Variants in AKAP19 observed in about 807,000 individuals in gnomAD.
The protein encoded by AKAP19 is small A-kinase anchoring protein.
chr2:189,928,519 C>T, the AKAP19 span, among the ~76,000 whole-genome samples: 1 of 152,060 alleles, frequency 6.6e-6, no homozygotes, highest in Non-Finnish European at 1.5e-5. Context: ...TTCAAATTTG[C>T]TTTATGTAAT....
chr2:190,089,476 G>A, the AKAP19 span: 1 of 151,800 alleles, frequency 6.6e-6, no homozygotes, highest in African/African-American at 2.4e-5. Flanking sequence ...ATGTACACCT[G>A]AAAAATGTAT....
At chr2:189,881,351 C>T in the AKAP19 span, among the ~76,000 whole-genome samples, 1 of 152,106 alleles carries the variant, frequency 6.6e-6, no homozygotes, top group Non-Finnish European at 1.5e-5. Context: ...ATCTGATTGG[C>T]GTCTCCAAAG....
chr2:190,021,147 A>G, the AKAP19 span, among the ~76,000 whole-genome samples: 1 of 152,202 alleles, frequency 6.6e-6, no homozygotes. Context: ...TATATACCCA[A>G]TAACTGAAAT....
the AKAP19 span, among the ~76,000 whole-genome samples, chr2:190,051,985 C>A: frequency 6.6e-6 from 1 of 151,922 alleles, no homozygotes; most frequent in African/African-American, 2.4e-5. Context: ...CTACAGGCGC[C>A]CGCCACCACG....
At chr2:190,068,176 T>G in the AKAP19 span, among the ~76,000 whole-genome samples, 1 of 152,196 alleles carries the variant, frequency 6.6e-6, no homozygotes, top group South Asian at 2.1e-4. Flanking sequence ...TCTTATATGT[T>G]TGTGTTTTAA....
the AKAP19 span, among the ~76,000 whole-genome samples, chr2:190,146,688 T>C: frequency 3.3e-5 from 5 of 152,184 alleles, no homozygotes; most frequent in Non-Finnish European, 7.4e-5. Flanking sequence ...TTTGATTATG[T>C]TCATTCTTGC....
At chr2:190,071,220 G>A in the AKAP19 span, among the ~76,000 whole-genome samples, 8 of 152,184 alleles carry the variant, frequency 5.3e-5, no homozygotes, top group African/African-American at 1.9e-4. Flanking sequence ...GACCGAGGCA[G>A]GAGGATTGCT....
chr2:189,993,917 A>G, the AKAP19 span, among the ~76,000 whole-genome samples: 12 of 151,494 alleles, frequency 7.9e-5, no homozygotes, highest in East Asian at 1.7e-3. Context: ...AATCTTGTTA[A>G]TGGTCTATCA....
the AKAP19 span, among the ~76,000 whole-genome samples, chr2:190,188,224 A>C: frequency 6.6e-6 from 1 of 152,234 alleles, no homozygotes; most frequent in East Asian, 1.9e-4. Context: ...GGTTCTAAAC[A>C]CATAGTAGAC....
the AKAP19 span, among the ~76,000 whole-genome samples, chr2:189,982,961 G>T: frequency 6.6e-6 from 1 of 152,072 alleles, no homozygotes; most frequent in Non-Finnish European, 1.5e-5. Context: ...TTGTTTAGTG[G>T]TGCAGTTCAG....
chr2:189,993,470 G>A, the AKAP19 span, among the ~76,000 whole-genome samples: 4 of 151,886 alleles, frequency 2.6e-5, no homozygotes, highest in Non-Finnish European at 5.9e-5. Flanking sequence ...TTCTTTTTTC[G>A]TTATGTCCTT....
chr2:189,895,920 A>G, the AKAP19 span, among the ~76,000 whole-genome samples: 3 of 152,012 alleles, frequency 2.0e-5, no homozygotes, highest in Non-Finnish European at 2.9e-5. Flanking sequence ...CTGAGGCATA[A>G]GAATCAGGAA....
At chr2:190,092,631 A>T in the AKAP19 span, among the ~76,000 whole-genome samples, 1 of 152,192 alleles carries the variant, frequency 6.6e-6, no homozygotes, top group Non-Finnish European at 1.5e-5. Context: ...ATTTAAAAAC[A>T]TACACATTAA....
chr2:189,979,412 A>G, the AKAP19 span, among the ~76,000 whole-genome samples: 1 of 152,224 alleles, frequency 6.6e-6, no homozygotes, highest in East Asian at 1.9e-4. Context: ...ACCTCTCATC[A>G]TATACAATAA....
chr2:190,166,173 G>C, the AKAP19 span, among the ~76,000 whole-genome samples: 3 of 151,544 alleles, frequency 2.0e-5, no homozygotes, highest in Non-Finnish European at 4.4e-5. Flanking sequence ...TAAAATATGA[G>C]AGAATAAAAT....
the AKAP19 span, among the ~76,000 whole-genome samples, chr2:190,147,747 T>TTTG: frequency 4.0e-5 from 6 of 151,512 alleles, no homozygotes; most frequent in Admixed American, 6.6e-5. Context: ...AGGTTTTTTT[T>TTTG]TTGTTGTTGT....
At chr2:190,151,729 T>C in the AKAP19 span, among the ~76,000 whole-genome samples, 3 of 151,340 alleles carry the variant, frequency 2.0e-5, no homozygotes, top group African/African-American at 7.3e-5. Flanking sequence ...AGGCCGGGCA[T>C]AGTGGCTCAC....
At chr2:190,156,293 G>T in the AKAP19 span, among the ~76,000 whole-genome samples, 11 of 152,116 alleles carry the variant, frequency 7.2e-5, no homozygotes, top group Non-Finnish European at 1.6e-4. Flanking sequence ...AATATATTGA[G>T]ATAAGTTCCA....
At chr2:190,042,533 G>C in the AKAP19 span, among the ~76,000 whole-genome samples, 1 of 151,332 alleles carries the variant, frequency 6.6e-6, no homozygotes, top group African/African-American at 2.4e-5. Flanking sequence ...TCTGATTTTT[G>C]TTATTTCTCG....
Sources: gnomAD v4.1 joint callset for allele counts (sites outside exome capture counted in the v4.1 genomes callset) on GRCh38, gnomAD v4.1.1 for gene constraint, MANE v1.5 for transcripts, NCBI Gene and HGNC (gene_info 2026-07-23, HGNC 2026-07-21) for gene names.